Variants in MCF2 observed in about 807,000 individuals in gnomAD.
The protein encoded by MCF2 is MCF.2 cell line derived transforming sequence, also known as proto-oncogene DBL.
Under a neutral mutation model 82.5 loss-of-function variants are expected in MCF2, and 44 were observed. That is an observed-to-expected ratio of 0.53 (90% CI 0.42 to 0.69). The LOEUF (loss-of-function observed/expected upper bound fraction) is 0.69, where lower values mean the gene tolerates loss of function less well. MCF2 is among the 30% of genes least tolerant of loss of function. MCF2 has a pLI of 0.00. For missense variants in MCF2, 623 were observed against 663.1 expected, an observed-to-expected ratio of 0.94 and a Z score of 0.66; for synonymous variants, 217 against 224.9, an observed-to-expected ratio of 0.96 and a Z score of 0.32.
intron 1 of MCF2, among the ~76,000 whole-genome samples, chrX:139,636,418 G>A (rs1010869403): frequency 1.8e-5 from 2 of 111,712 alleles, no homozygotes; most frequent in Non-Finnish European, 3.8e-5. Flanking sequence ...TGGATTCTAA[G>A]TTGATCTGGT....
chrX:139,599,666 T>C (rs910108037), intron 16 of MCF2, among the ~76,000 whole-genome samples: 12 of 111,657 alleles, frequency 1.1e-4, no homozygotes, highest in Non-Finnish European at 2.3e-4. Flanking sequence ...ATAACAAGTG[T>C]TGGTGAGGAT....
chrX:139,679,787 TC>T (rs1934957831), intron 1 of MCF2, among the ~76,000 whole-genome samples: 1 of 109,755 alleles, frequency 9.1e-6, no homozygotes. Context: ...TAATATTGAG[TC>T]AGGACCTGAA....
intron 18 of MCF2, 36 bp downstream of exon 22, chrX:139,597,424 C>T (rs1360154088): frequency 9.0e-7 from 1 of 1,109,492 alleles, no homozygotes. Context: ...AGATGCCGAC[C>T]CTCTAAAATT....
chrX:139,602,285 C>T, intron 16 of MCF2, 121 bp downstream of exon 20: 1 of 565,628 alleles, frequency 1.8e-6, no homozygotes, highest in Non-Finnish European at 2.9e-6. Context: ...TGGATTTGCT[C>T]TTTAACTCAT....
chrX:139,614,341 T>C (rs988239242), intron 10 of MCF2, among the ~76,000 whole-genome samples: 4 of 111,718 alleles, frequency 3.6e-5, no homozygotes, highest in African/African-American at 1.3e-4. Flanking sequence ...GAAAAGGCAA[T>C]CCATTTTATT....
At chrX:139,588,502 T>C in intron 20 of MCF2, 64 bp from the exon 25 acceptor site, 1 of 669,492 alleles carries the variant, frequency 1.5e-6, no homozygotes, top group Non-Finnish European at 2.4e-6. Flanking sequence ...GGATGTACTA[T>C]AATAAAACAA....
intron 6 of MCF2, among the ~76,000 whole-genome samples, chrX:139,622,440 T>C (rs1252298839): frequency 1.8e-5 from 2 of 111,857 alleles, no homozygotes; most frequent in African/African-American, 6.5e-5. Context: ...CGTATGTTTA[T>C]TGTGGCACTA....
intron 4 of MCF2, 21 bp downstream of exon 7, chrX:139,629,674 T>C (rs761099025): frequency 8.3e-7 from 1 of 1,199,287 alleles, no homozygotes; most frequent in South Asian, 1.8e-5. Flanking sequence ...ATCTTTTGTT[T>C]GTCAACTCTA....
In MCF2 at chrX:139,632,974, T is replaced by C. The variant is rs775160879; in HGVS notation, c.52-520A>G. Among the ~76,000 whole-genome samples the C allele has an allele frequency of 2.1e-4, 23 of 112,052 alleles. No individual in the cohort carries two copies. The South Asian group carries it at 2.2e-3, about 11-fold the overall frequency. ...AATGAATATCAAGCTCTGTTAGGCA[T>C]TGAATGTTCACAAATTAAGAAAACA... is the stretch of plus-strand genomic sequence containing the variant. On this transcript the variant is annotated intron_variant, in intron 1 of 24. Coordinates refer to ENST00000370576, the Ensembl canonical transcript of MCF2.
chrX:139,644,297 A>G (rs1933719723), upstream of MCF2, among the ~76,000 whole-genome samples: 1 of 112,250 alleles, frequency 8.9e-6, no homozygotes, highest in Non-Finnish European at 1.9e-5. Context: ...TCACATAGCC[A>G]TTCCAAAGTA....
Position 139,672,569 on chromosome X carries a change from T to A in MCF2, c.-44-20781A>T, listed in dbSNP as rs191554120. ...AAGGCCTTTTCTGCATCTATTGAGA[T>A]AATCATATGGTTTTTGCCGTTGGTC... On this transcript the variant is annotated intron_variant, in intron 1 of 27. Transcript: ENST00000414978. Among the ~76,000 whole-genome samples, 453 of 112,454 alleles carry A rather than the reference T, an allele frequency of 4.0e-3. 3 individuals are homozygous for A. Among genetic ancestry groups the A allele is most frequent in the African/African-American group, 0.013 (400 of 30,979 alleles).
At chrX:139,603,139 C>A (rs1365183014) in intron 15 of MCF2, among the ~76,000 whole-genome samples, 1 of 112,558 alleles carries the variant, frequency 8.9e-6, no homozygotes, top group East Asian at 2.8e-4. Context: ...TCATCTTCTA[C>A]ACAATTAATA....
chrX:139,610,791 T>C (rs1173852970), intron 10 of MCF2, among the ~76,000 whole-genome samples: 2 of 111,744 alleles, frequency 1.8e-5, no homozygotes, highest in Non-Finnish European at 3.8e-5. Flanking sequence ...GCTATGCATA[T>C]ATCTTCTTTT....
chrX:139,678,454 TA>T (rs1018858995), intron 1 of MCF2, among the ~76,000 whole-genome samples: 7 of 111,590 alleles, frequency 6.3e-5, no homozygotes, highest in Non-Finnish European at 1.3e-4. Context: ...AAGCATAAAA[TA>T]AAAAAACTGA....
At chrX:139,586,414 C>T (rs1928966148) in exon 23 of MCF2, 2 of 1,209,985 alleles carry the variant, frequency 1.7e-6, no homozygotes, top group Non-Finnish European at 2.2e-6. Context: ...GCAATTGCCT[C>T]ACAGACCTCC....
chrX:139,668,133 C>T (rs1934579225), intron 1 of MCF2, among the ~76,000 whole-genome samples: 1 of 111,676 alleles, frequency 9.0e-6, no homozygotes, highest in African/African-American at 3.3e-5. Flanking sequence ...CTTCTCAGCT[C>T]CAGCTGCGTA....
At chrX:139,691,784 A>G in intron 1 of MCF2, 2 of 516,559 alleles carry the variant, frequency 3.9e-6, no homozygotes, top group East Asian at 7.5e-5. Flanking sequence ...AGACTGGAAA[A>G]TAAAGTGCGC....
At chrX:139,670,443 CT>C (rs1299789317) in intron 1 of MCF2, among the ~76,000 whole-genome samples, 5 of 110,990 alleles carry the variant, frequency 4.5e-5, no homozygotes, top group African/African-American at 1.6e-4. Flanking sequence ...GGTATTTCTC[CT>C]AATGCTATCC....
At chrX:139,629,724 T>C in exon 4 of MCF2, 2 of 1,207,853 alleles carry the variant, frequency 1.7e-6, no homozygotes, top group Non-Finnish European at 1.1e-6. Context: ...TCAGCACGAA[T>C]TGCCAGAATT....
Sources: gnomAD v4.1 joint callset for allele counts (sites outside exome capture counted in the v4.1 genomes callset) on GRCh38, gnomAD v4.1.1 for gene constraint, MANE v1.5 for transcripts, NCBI Gene and HGNC (gene_info 2026-07-23, HGNC 2026-07-21) for gene names.